Variants in ATP10B observed in about 807,000 individuals in gnomAD.
The protein encoded by ATP10B is phospholipid-transporting ATPase VB.
Under a neutral mutation model 141.2 loss-of-function variants are expected in ATP10B, and 122 were observed. The observed-to-expected ratio is 0.86, with a 90% CI of 0.75 to 1.00. The LOEUF (loss-of-function observed/expected upper bound fraction) is 1.00, where lower values mean the gene tolerates loss of function less well. Ranked by LOEUF, ATP10B falls within the 50% of genes least tolerant of loss-of-function variation. The probability of loss-of-function intolerance (pLI) is 0.00; values close to 1 mark genes in which losing one functional copy is unlikely to be tolerated. For synonymous variants in ATP10B, 685 were observed against 692.0 expected (o/e 0.99, Z 0.16); for missense variants, 1,876 against 1,825.3 (o/e 1.03, Z -0.51).
intron 1 of ATP10B, among the ~76,000 whole-genome samples, chr5:160,843,551 T>G (rs575158170): frequency 6.6e-6 from 1 of 151,570 alleles, no homozygotes; most frequent in South Asian, 2.1e-4. Context: ...CAAAGAGCAC[T>G]TAAGCTTACC....
intron 2 of ATP10B, among the ~76,000 whole-genome samples, chr5:160,756,288 T>C (rs115139029): frequency 0.012 from 1,846 of 152,322 alleles, 15 homozygotes; most frequent in Middle Eastern, 0.031. Context: ...CTTATTGATA[T>C]TGGGTTTTGA....
At position 160,775,229 on chromosome 5, in the gene ATP10B, G is replaced by T. The variant is rs554370620; in HGVS notation, c.-331+10330C>A. 8.9e-4 allele frequency among the ~76,000 whole-genome samples: 135 copies of T among 152,290 alleles called. 2 individuals carry two copies. The highest frequency in any genetic ancestry group is 3.1e-3 in the African/African-American group (128 of 41,568). ...AGCCAAGTCAAACTCTATTTCCAGG[G>T]GCTGAAGTAGACCTGTATCTGCCAC... On this transcript the variant is annotated intron_variant, in intron 2 of 25. Transcript: ENST00000327245.
At chr5:160,787,906 C>T (rs958053756) in intron 1 of ATP10B, among the ~76,000 whole-genome samples, 4 of 152,188 alleles carry the variant, frequency 2.6e-5, no homozygotes, top group Non-Finnish European at 5.9e-5. Context: ...TAGATGCCAA[C>T]AGCTAAGAAG....
At chr5:160,755,755 C>A (rs1442717450) in intron 2 of ATP10B, among the ~76,000 whole-genome samples, 20 of 136,172 alleles carry the variant, frequency 1.5e-4, no homozygotes, top group Non-Finnish European at 2.5e-4. Context: ...GCGGAGCTTG[C>A]AGTGAGCCGA....
the ATP10B span, among the ~76,000 whole-genome samples, chr5:160,913,682 G>C: frequency 6.6e-6 from 1 of 152,276 alleles, no homozygotes; most frequent in East Asian, 1.9e-4. Context: ...AAGAACCTCA[G>C]TGTTCTGTCT....
intron 3 of ATP10B, among the ~76,000 whole-genome samples, chr5:160,689,780 C>G (rs1323053690): frequency 6.6e-6 from 1 of 152,140 alleles, no homozygotes; most frequent in African/African-American, 2.4e-5. Context: ...GGCCATACTG[C>G]CCAAAGTAAT....
At chr5:160,724,596 G>A (rs1476820490) in intron 2 of ATP10B, among the ~76,000 whole-genome samples, 2 of 151,824 alleles carry the variant, frequency 1.3e-5, no homozygotes, top group Non-Finnish European at 2.9e-5. Context: ...ATACATTCTG[G>A]CCCCTCCTCT....
In ATP10B at chr5:160,620,625, G is replaced by T. The variant is rs748900632; in HGVS notation, c.2138C>A (p.Pro713His). Reference sequence around the variant, plus strand: ...GCTCTCAGCCTCGTAACAGAACTCAGGCCTGGCCAGGTCTGTGGCTGGGGC... The same window carrying T: ...GCTCTCAGCCTCGTAACAGAACTCATGCCTGGCCAGGTCTGTGGCTGGGGC... ...LEAPATDLARPEFCYEAESPD... is the reference protein window; with the variant it reads ...LEAPATDLARHEFCYEAESPD... The change falls in exon 15 of 26, where the codon CCT (proline) becomes CAT (histidine). Residue 713 changes from proline (P) to histidine (H), a missense_variant. Pro to His is a moderately conservative substitution (Grantham distance 77). Transcript: ENST00000327245. The T allele has an allele frequency of 1.2e-5, 19 of 1,613,790 alleles. No homozygotes were observed. The East Asian group carries it at 3.8e-4, about 32-fold the overall frequency.
intron 1 of ATP10B, among the ~76,000 whole-genome samples, chr5:160,832,675 A>G (rs897615710): frequency 6.6e-6 from 1 of 152,250 alleles, no homozygotes; most frequent in Non-Finnish European, 1.5e-5. Flanking sequence ...ATAAAGCTAA[A>G]TAAGCCACAC....
intron 1 of ATP10B, among the ~76,000 whole-genome samples, chr5:160,817,311 T>C (rs1773710982): frequency 6.6e-6 from 1 of 152,172 alleles, no homozygotes; most frequent in Non-Finnish European, 1.5e-5. Flanking sequence ...AGTCTCAGGA[T>C]ACAAAATTGA....
At chr5:160,607,128 G>A in intron 18 of ATP10B, 42 bp from the exon 19 acceptor site, 2 of 1,507,848 alleles carry the variant, frequency 1.3e-6, no homozygotes, top group Non-Finnish European at 1.8e-6. Context: ...AAGCAACCTT[G>A]GAAATGCATG....
At chr5:160,894,167 G>T in the ATP10B span, among the ~76,000 whole-genome samples, 69,975 of 151,764 alleles carry the variant, frequency 0.46, 17,234 homozygotes, top group Non-Finnish European at 0.54. Flanking sequence ...CTCCTCACCA[G>T]CAAGGGAACA....
chr5:160,586,751 G>C (rs1006324692), intron 24 of ATP10B, among the ~76,000 whole-genome samples: 1 of 151,998 alleles, frequency 6.6e-6, no homozygotes, highest in African/African-American at 2.4e-5. Flanking sequence ...TTTCATGTTT[G>C]TTGGTCACAT....
chr5:160,801,325 C>T (rs567687429), intron 1 of ATP10B, among the ~76,000 whole-genome samples: 6 of 152,182 alleles, frequency 3.9e-5, no homozygotes, highest in East Asian at 1.9e-4. Flanking sequence ...TCATCTCTCA[C>T]GAAGTCCTCC....
chr5:160,728,245 G>A (rs192225159), intron 2 of ATP10B, among the ~76,000 whole-genome samples: 2 of 152,066 alleles, frequency 1.3e-5, no homozygotes, highest in Admixed American at 1.3e-4. Context: ...TTAAGGAAAT[G>A]TGTAAATACT....
the ATP10B span, among the ~76,000 whole-genome samples, chr5:160,858,760 A>T: frequency 6.6e-6 from 1 of 151,572 alleles, no homozygotes; most frequent in East Asian, 1.9e-4. Context: ...TTTTTGAATG[A>T]TTTAGATATT....
intron 7 of ATP10B, among the ~76,000 whole-genome samples, chr5:160,650,966 A>C (rs1760689826): frequency 6.6e-6 from 1 of 152,180 alleles, no homozygotes; most frequent in African/African-American, 2.4e-5. Context: ...TTCACCATTT[A>C]ATAGGTATAG....
intron 1 of ATP10B, among the ~76,000 whole-genome samples, chr5:160,821,012 G>T (rs1371520560): frequency 6.6e-6 from 1 of 151,858 alleles, no homozygotes; most frequent in Non-Finnish European, 1.5e-5. Flanking sequence ...CACCTAGCTA[G>T]AGCAATCAGA....
At chr5:160,743,590 G>T (rs1277171335) in intron 2 of ATP10B, among the ~76,000 whole-genome samples, 2 of 152,150 alleles carry the variant, frequency 1.3e-5, no homozygotes, top group Non-Finnish European at 2.9e-5. Flanking sequence ...AAGTGGCCAA[G>T]AGCAAGTGGA....
Sources: gnomAD v4.1 joint callset for allele counts (sites outside exome capture counted in the v4.1 genomes callset) on GRCh38, gnomAD v4.1.1 for gene constraint, MANE v1.5 for transcripts, NCBI Gene and HGNC (gene_info 2026-07-23, HGNC 2026-07-21) for gene names.